PTPRR: variants seen among roughly 807,000 people sequenced by gnomAD.
PTPRR encodes the protein receptor-type tyrosine-protein phosphatase R.
PTPRR carries 38 observed loss-of-function variants against 77.2 expected under a neutral mutation model. The observed-to-expected ratio is 0.49, with a 90% CI of 0.38 to 0.65. PTPRR has a LOEUF of 0.65. Ranked by LOEUF, PTPRR falls within the 30% of genes least tolerant of loss-of-function variation. The pLI, the probability that PTPRR is intolerant of heterozygous loss-of-function variation, is 0.00. For synonymous variants in PTPRR, 299 were observed against 283.1 expected (o/e 1.06, Z -0.57); for missense variants, 744 against 799.2 (o/e 0.93, Z 0.83).
At chr12:70,695,218 T>C (rs1888191355) in intron 8 of PTPRR, among the ~76,000 whole-genome samples, 1 of 152,230 alleles carries the variant, frequency 6.6e-6, no homozygotes. Flanking sequence ...AAGAAGAGTT[T>C]AGTGTAGGTT....
At chr12:70,751,664 T>A (rs138477707) in intron 5 of PTPRR, among the ~76,000 whole-genome samples, 18 of 151,958 alleles carry the variant, frequency 1.2e-4, no homozygotes, top group Non-Finnish European at 1.9e-4. Context: ...ATAGCACTTA[T>A]CAACATTTGA....
At chr12:70,866,311 A>G (rs948302611) in intron 2 of PTPRR, among the ~76,000 whole-genome samples, 1 of 152,220 alleles carries the variant, frequency 6.6e-6, no homozygotes, top group African/African-American at 2.4e-5. Flanking sequence ...GAAAAGAGAG[A>G]AGAATCAAAT....
At chr12:70,775,641 A>G (rs7306190) in intron 2 of PTPRR, among the ~76,000 whole-genome samples, 19,523 of 152,140 alleles carry the variant, frequency 0.13, 1,221 homozygotes, top group Middle Eastern at 0.15. Flanking sequence ...ACAAATGTCC[A>G]TCTTTCTTCC....
rs188579282 is a variant in PTPRR, at chr12:70,763,511, A to T, written c.471+1154T>A. 2.6e-5 allele frequency among the ~76,000 whole-genome samples: 4 copies of T among 152,314 alleles called. No individual in the cohort carries two copies. In the East Asian group the frequency reaches 7.7e-4, roughly 29 times the overall value. On this transcript the variant is annotated intron_variant, in intron 3 of 13. Coordinates refer to ENST00000283228, the MANE Select transcript of PTPRR (RefSeq NM_002849.4). ...TTAACAGCTTGTTTACTTCTAGAAC[A>T]TTGTTGATTCACAGAATACAAATTT...
At chr12:70,713,212 T>G (rs1888895939) in intron 6 of PTPRR, among the ~76,000 whole-genome samples, 2 of 152,212 alleles carry the variant, frequency 1.3e-5, no homozygotes, top group Admixed American at 1.3e-4. Context: ...ATCCATGTTG[T>G]AGCATCTATC....
chr12:70,808,329 T>C (rs1195782415), intron 2 of PTPRR, among the ~76,000 whole-genome samples: 2 of 152,116 alleles, frequency 1.3e-5, no homozygotes, highest in Non-Finnish European at 2.9e-5. Context: ...ACTTGTGATC[T>C]TGCCCTGCTC....
At chr12:70,702,724 G>T (rs1280458103) in intron 6 of PTPRR, among the ~76,000 whole-genome samples, 2 of 152,126 alleles carry the variant, frequency 1.3e-5, no homozygotes, top group African/African-American at 4.8e-5. Flanking sequence ...GTTTGTAATT[G>T]AGATTTTAAT....
intron 2 of PTPRR, among the ~76,000 whole-genome samples, chr12:70,771,968 GA>G (rs1311076775): frequency 6.6e-6 from 1 of 151,820 alleles, no homozygotes; most frequent in East Asian, 1.9e-4. Context: ...GTTTGCTTAG[GA>G]AAAAATCTAA....
At chr12:70,656,150 C>T (rs1185090607) in intron 13 of PTPRR, among the ~76,000 whole-genome samples, 5 of 152,074 alleles carry the variant, frequency 3.3e-5, no homozygotes, top group African/African-American at 1.2e-4. Context: ...CCCAGGAAGT[C>T]TAGGCTGTAG....
chr12:70,779,649 T>C (rs181264635), intron 2 of PTPRR, among the ~76,000 whole-genome samples: 1 of 152,338 alleles, frequency 6.6e-6, no homozygotes, highest in African/African-American at 2.4e-5. Flanking sequence ...TCTGGTTCTC[T>C]GCTGTCTCCT....
intron 2 of PTPRR, chr12:70,788,833 G>C: frequency 6.6e-7 from 1 of 1,524,416 alleles, no homozygotes; most frequent in Non-Finnish European, 8.8e-7. Flanking sequence ...GAAATTGACT[G>C]CATGTTGTGA....
At chr12:70,704,954 A>T (rs1888563924) in intron 6 of PTPRR, among the ~76,000 whole-genome samples, 1 of 152,124 alleles carries the variant, frequency 6.6e-6, no homozygotes, top group Admixed American at 6.6e-5. Context: ...ACATAATAAA[A>T]AGCTTTATCA....
chr12:70,808,280 T>C (rs2137027860), intron 2 of PTPRR, among the ~76,000 whole-genome samples: 1 of 152,246 alleles, frequency 6.6e-6, no homozygotes, highest in South Asian at 2.1e-4. Context: ...GCGTGCACAG[T>C]GGGACATGGA....
At chr12:70,649,201 T>G (rs1886304317) in intron 13 of PTPRR, among the ~76,000 whole-genome samples, 5 of 152,196 alleles carry the variant, frequency 3.3e-5, no homozygotes, top group South Asian at 4.1e-4. Flanking sequence ...TTGTAATTTT[T>G]GGGGTGGTGG....
At chr12:70,681,160 G>A (rs1887643202) in intron 10 of PTPRR, among the ~76,000 whole-genome samples, 1 of 152,162 alleles carries the variant, frequency 6.6e-6, no homozygotes, top group Non-Finnish European at 1.5e-5. Context: ...CTCAGCAAGG[G>A]AATGGTGTAC....
intron 6 of PTPRR, among the ~76,000 whole-genome samples, chr12:70,743,094 G>A (rs980463657): frequency 6.6e-6 from 1 of 152,172 alleles, no homozygotes; most frequent in African/African-American, 2.4e-5. Flanking sequence ...AAGTGGCCAT[G>A]GTTGGGTGAT....
At chr12:70,821,576 T>G (rs1244708407) in intron 2 of PTPRR, among the ~76,000 whole-genome samples, 1 of 151,854 alleles carries the variant, frequency 6.6e-6, no homozygotes, top group East Asian at 1.9e-4. Context: ...TTTGGCGTGC[T>G]TAAGAACTAG....
intron 6 of PTPRR, 24 bp downstream of exon 6, chr12:70,745,794 A>G: frequency 6.2e-7 from 1 of 1,602,366 alleles, no homozygotes; most frequent in East Asian, 2.2e-5. Flanking sequence ...AGCCACACGT[A>G]GGGTATACAG....
chr12:70,766,690 G>A (rs1040412963), intron 2 of PTPRR, among the ~76,000 whole-genome samples: 15 of 151,284 alleles, frequency 9.9e-5, no homozygotes, highest in African/African-American at 3.4e-4. Flanking sequence ...CTCGAGAAGA[G>A]CAACTCCAAG....
Sources: allele counts gnomAD v4.1 joint callset (sites outside exome capture counted in the v4.1 genomes callset), GRCh38; gene constraint gnomAD v4.1.1; transcripts MANE v1.5; gene names NCBI Gene and HGNC (gene_info 2026-07-23, HGNC 2026-07-21).